Variants in NBEA observed in about 807,000 individuals in gnomAD.
NBEA encodes the protein neurobeachin.
NBEA carries 44 observed loss-of-function variants against 343.4 expected under a neutral mutation model. The observed-to-expected ratio is 0.13, with a 90% CI of 0.10 to 0.16. The LOEUF (loss-of-function observed/expected upper bound fraction) is 0.16, where lower values mean the gene tolerates loss of function less well. Ranked by LOEUF, NBEA falls within the 10% of genes least tolerant of loss-of-function variation. The pLI, the probability that NBEA is intolerant of heterozygous loss-of-function variation, is 1.00. For missense variants in NBEA, 2,555 were observed against 3,631.3 expected (o/e 0.70, Z 7.62); for synonymous variants, 1,175 against 1,238.7 (o/e 0.95, Z 1.08).
At chr13:35,445,004 G>A (rs992872344) in intron 39 of NBEA, among the ~76,000 whole-genome samples, 3 of 152,012 alleles carry the variant, frequency 2.0e-5, no homozygotes, top group African/African-American at 7.2e-5. Context: ...TCTAGTGGAG[G>A]AGCTGAAGGC....
intron 1 of NBEA, among the ~76,000 whole-genome samples, chr13:35,015,244 T>C (rs1322607189): frequency 6.6e-6 from 1 of 151,734 alleles, no homozygotes; most frequent in African/African-American, 2.4e-5. Context: ...TGAGAAGCTA[T>C]TACAGGATTT....
At chr13:35,634,471 G>A (rs2083610556) in intron 49 of NBEA, among the ~76,000 whole-genome samples, 1 of 152,196 alleles carries the variant, frequency 6.6e-6, no homozygotes, top group Non-Finnish European at 1.5e-5. Context: ...TTCAACAGAA[G>A]CTGTAAGCAT....
At chr13:35,500,012 T>C (rs1212183027) in intron 41 of NBEA, among the ~76,000 whole-genome samples, 1 of 152,114 alleles carries the variant, frequency 6.6e-6, no homozygotes, top group Non-Finnish European at 1.5e-5. Context: ...TCTTCTGCTT[T>C]AATAGCAGCT....
chr13:35,035,228 G>A (rs528715067), intron 1 of NBEA, among the ~76,000 whole-genome samples: 60 of 151,896 alleles, frequency 4.0e-4, no homozygotes, highest in Admixed American at 1.2e-3. Flanking sequence ...GTTATTATTA[G>A]TTTGAAGAAA....
chr13:35,493,128 AT>A (rs1190324371), intron 41 of NBEA, among the ~76,000 whole-genome samples: 1 of 151,886 alleles, frequency 6.6e-6, no homozygotes, highest in Non-Finnish European at 1.5e-5. Context: ...GAGGGAAAGA[AT>A]TTTGGGGAAA....
At chr13:34,973,493 G>T (rs923312630) in intron 1 of NBEA, among the ~76,000 whole-genome samples, 1 of 152,038 alleles carries the variant, frequency 6.6e-6, no homozygotes, top group East Asian at 1.9e-4. Context: ...GAGAACATTC[G>T]CCAGGGTGTC....
intron 34 of NBEA, among the ~76,000 whole-genome samples, chr13:35,284,522 T>C (rs1389094369): frequency 6.6e-6 from 1 of 152,178 alleles, no homozygotes; most frequent in Non-Finnish European, 1.5e-5. Context: ...AATAAAATAC[T>C]TGAGAGAACA....
chr13:35,016,497 G>A (rs538647478), intron 1 of NBEA, among the ~76,000 whole-genome samples: 1 of 151,916 alleles, frequency 6.6e-6, no homozygotes, highest in Non-Finnish European at 1.5e-5. Context: ...GTTGCAAACT[G>A]TTATCTATCA....
At chr13:35,126,315 T>G (rs1278578979) in intron 17 of NBEA, among the ~76,000 whole-genome samples, 1 of 152,154 alleles carries the variant, frequency 6.6e-6, no homozygotes, top group Non-Finnish European at 1.5e-5. Context: ...TGTGAGTCAA[T>G]TAAACCTCTT....
chr13:35,565,537 T>C (rs1369190522), intron 44 of NBEA, among the ~76,000 whole-genome samples: 1 of 152,208 alleles, frequency 6.6e-6, no homozygotes, highest in East Asian at 1.9e-4. Flanking sequence ...ATGAAACTCA[T>C]ATCACTAAAT....
At chr13:35,128,935 T>A (rs1472119003) in intron 17 of NBEA, among the ~76,000 whole-genome samples, 2 of 151,126 alleles carry the variant, frequency 1.3e-5, no homozygotes, top group East Asian at 3.9e-4. Flanking sequence ...AAATAGAGAG[T>A]GAGAGAAAAG....
At chr13:35,335,454 G>A (rs148363458) in intron 36 of NBEA, among the ~76,000 whole-genome samples, 4 of 152,092 alleles carry the variant, frequency 2.6e-5, no homozygotes, top group African/African-American at 9.6e-5. Flanking sequence ...TTTTAACACT[G>A]TTGATTCTTC....
At chr13:35,359,832 A>ATGTGTGTG (rs60793996) in intron 38 of NBEA, among the ~76,000 whole-genome samples, 2 of 144,562 alleles carry the variant, frequency 1.4e-5, no homozygotes, top group East Asian at 2.0e-4. Context: ...GTGTGTGTGT[A>ATGTGTGTG]TGTGTGTGTG....
chr13:35,537,109 C>CT (rs2078596091), intron 41 of NBEA, among the ~76,000 whole-genome samples: 1 of 152,076 alleles, frequency 6.6e-6, no homozygotes, highest in South Asian at 2.1e-4. Context: ...TATAGAGTTT[C>CT]TTTTAAGAAA....
In NBEA at chr13:35,487,912, C is replaced by T. The variant is rs116088075; in HGVS notation, c.6585+15376C>T. ...AGTACGGTGCCTAGAAAGTATTACT[C>T]CTAGAATGGATTGGTACATGTAAAG... On this transcript the variant is annotated intron_variant, in intron 41 of 58. Coordinates refer to ENST00000379939, the MANE Select transcript of NBEA (RefSeq NM_001385012.1). 4.8e-3 allele frequency among the ~76,000 whole-genome samples: 730 copies of T among 151,838 alleles called. 7 individuals carry two copies. The highest frequency in any genetic ancestry group is 0.017 in the African/African-American group (703 of 41,462).
chr13:35,405,843 G>A (rs2043241850), intron 38 of NBEA, among the ~76,000 whole-genome samples: 1 of 152,096 alleles, frequency 6.6e-6, no homozygotes. Context: ...TTTCTTCCAA[G>A]TGTGGTAATT....
At chr13:35,084,139 A>T (rs567481406) in intron 10 of NBEA, among the ~76,000 whole-genome samples, 1 of 152,142 alleles carries the variant, frequency 6.6e-6, no homozygotes, top group African/African-American at 2.4e-5. Context: ...AGACTTTAAC[A>T]CCCCACTGTC....
In NBEA at chr13:35,161,760, G is replaced by A; in HGVS notation, c.3872G>A (p.Gly1291Asp). Reference protein sequence around the residue: ...QTTTTTQAVQGRSITQQDRDL... With the variant: ...QTTTTTQAVQDRSITQQDRDL... ...CTTTTCCTTCTTTAGGCTGTGCAGGGTCGGTCTATCACCCAACAAGACCGA... is the reference window on the plus strand; with the variant it reads ...CTTTTCCTTCTTTAGGCTGTGCAGGATCGGTCTATCACCCAACAAGACCGA... The change falls in exon 23 of 59, where the codon GGT (glycine) becomes GAT (aspartate). Residue 1291 changes from glycine to aspartate, a missense_variant. Around this residue, in one of 21 missense-constraint regions of NBEA, gnomAD observed 367 missense variants for 377.5 expected, o/e 0.97. Transcript: ENST00000379939. The A allele has an allele frequency of 6.2e-7, 1 of 1,609,670 alleles. No homozygotes were observed.
At chr13:35,061,749 A>G (rs1396358745) in intron 8 of NBEA, among the ~76,000 whole-genome samples, 1 of 151,760 alleles carries the variant, frequency 6.6e-6, no homozygotes, top group Non-Finnish European at 1.5e-5. Flanking sequence ...CAATACTTGT[A>G]TGGAGGGGTG....
Sources: gnomAD v4.1 joint callset for allele counts (sites outside exome capture counted in the v4.1 genomes callset) on GRCh38, gnomAD v4.1.1 for gene constraint, gnomAD v4.1.1 regional missense constraint, MANE v1.5 for transcripts, NCBI Gene and HGNC (gene_info 2026-07-23, HGNC 2026-07-21) for gene names.